The following HPSE2 variants were observed in gnomAD, a reference collection of about 807,000 sequenced individuals.
The protein encoded by HPSE2 is heparanase 2 (inactive), also known as inactive heparanase-2.
HPSE2 carries 38 observed loss-of-function variants against 60.5 expected under a neutral mutation model. The ratio of observed to expected loss-of-function variants is 0.63; its 90% CI spans 0.48 to 0.82. HPSE2 has a LOEUF of 0.82. Among genes scored for constraint, HPSE2 ranks in the 40% least tolerant of loss-of-function variants. The pLI is 0.00. For synonymous variants in HPSE2, 295 were observed against 293.2 expected (o/e 1.01, Z -0.06); for missense variants, 713 against 740.4 (o/e 0.96, Z 0.43).
chr10:98,738,646 C>G (rs745884636), intron 4 of HPSE2, among the ~76,000 whole-genome samples: 1 of 152,212 alleles, frequency 6.6e-6, no homozygotes, highest in Admixed American at 6.5e-5. Context: ...AAACCCCCAT[C>G]AAGAAGTGGG....
intron 3 of HPSE2, among the ~76,000 whole-genome samples, chr10:98,829,087 A>T (rs1369071692): frequency 1.3e-5 from 2 of 152,236 alleles, no homozygotes; most frequent in Non-Finnish European, 2.9e-5. Flanking sequence ...AGCTGCTCAG[A>T]AAAGGGCAAA....
chr10:98,979,211 C>T (rs1278462224), intron 3 of HPSE2, among the ~76,000 whole-genome samples: 1 of 152,064 alleles, frequency 6.6e-6, no homozygotes. Flanking sequence ...CAGGCACGAG[C>T]TAGGGTACTG....
At chr10:98,612,923 C>T (rs951604888) in intron 9 of HPSE2, among the ~76,000 whole-genome samples, 24 of 152,152 alleles carry the variant, frequency 1.6e-4, no homozygotes, top group Non-Finnish European at 2.6e-4. Flanking sequence ...CCAACCTCTC[C>T]CCCTTCCTCA....
rs368489397 is a variant in HPSE2 at position 98,609,966 on chromosome 10, C to T, written c.1320+4938G>A. On this transcript the variant is annotated intron_variant, in intron 9 of 11. Coordinates refer to ENST00000370552, the MANE Select transcript of HPSE2 (RefSeq NM_021828.5). The stretch of plus-strand genomic sequence containing the variant: ...AAGTGATTCTCCTGCCTCAGCCTCT[C>T]GAGCAGCTAGGACTACAGGTGCCCG... Among the ~76,000 whole-genome samples, 1,369 of 151,778 alleles carry T rather than the reference C, an allele frequency of 9.0e-3. 11 individuals carry two copies. The highest frequency in any genetic ancestry group is 0.031 in the African/African-American group (1,290 of 41,370).
At chr10:98,929,483 A>G (rs1954583928) in intron 3 of HPSE2, among the ~76,000 whole-genome samples, 1 of 143,912 alleles carries the variant, frequency 6.9e-6, no homozygotes, top group Non-Finnish European at 1.5e-5. Context: ...TTACATACTA[A>G]AGCTATCTTC....
chr10:98,626,202 T>C (rs542928505), intron 7 of HPSE2, among the ~76,000 whole-genome samples: 2 of 152,118 alleles, frequency 1.3e-5, no homozygotes, highest in South Asian at 4.1e-4. Context: ...GTGGCGGTAG[T>C]CATGGAGGTG....
chr10:99,100,217 C>T (rs1843901075), intron 3 of HPSE2, among the ~76,000 whole-genome samples: 1 of 152,122 alleles, frequency 6.6e-6, no homozygotes, highest in African/African-American at 2.4e-5. Context: ...AAGTTCGAAT[C>T]CATCGCAAAG....
At chr10:98,856,845 T>G (rs954297661) in intron 3 of HPSE2, among the ~76,000 whole-genome samples, 3 of 152,170 alleles carry the variant, frequency 2.0e-5, no homozygotes. Context: ...TCAGAAACAT[T>G]GTGTTAGGAA....
At chr10:99,100,643 G>A (rs908319900) in intron 3 of HPSE2, among the ~76,000 whole-genome samples, 3 of 152,092 alleles carry the variant, frequency 2.0e-5, no homozygotes, top group Admixed American at 6.6e-5. Context: ...TACAGATAAC[G>A]CCACAAAGAT....
rs993923889 is a variant in HPSE2 at position 99,005,814 on chromosome 10, G to A, written c.610+138424C>T. Among the ~76,000 whole-genome samples, 5 of 152,272 alleles carry A rather than the reference G, an allele frequency of 3.3e-5. No homozygotes were observed. The East Asian group carries it at 9.7e-4, about 29-fold the overall frequency. ...TTGCTGACTGGCTTTGTATGGGAGA[G>A]CCCTTCCTTTTCAGTCCATCCAGAG... is the stretch of plus-strand genomic sequence containing the variant. On this transcript the variant is annotated intron_variant, in intron 3 of 11. Coordinates refer to ENST00000370552, the MANE Select transcript of HPSE2 (RefSeq NM_021828.5).
chr10:99,166,999 C>CTTTTTGTT (rs1554905810), intron 2 of HPSE2, among the ~76,000 whole-genome samples: 69 of 140,604 alleles, frequency 4.9e-4, no homozygotes, highest in African/African-American at 1.6e-3. Flanking sequence ...TTTTTCTTTC[C>CTTTTTGTT]TTTTTGTTTG....
intron 9 of HPSE2, among the ~76,000 whole-genome samples, chr10:98,494,514 G>C (rs528050299): frequency 9.2e-5 from 14 of 152,332 alleles, no homozygotes; most frequent in African/African-American, 2.9e-4. Context: ...TAAATTGTGG[G>C]AGCTAAGAAC....
At position 98,516,438 on chromosome 10, in the gene HPSE2, G is replaced by A. The variant is rs116245963; in HGVS notation, c.1321-26242C>T. The stretch of plus-strand genomic sequence containing the variant: ...TTTTCTGAATCTATAAATAAAAAAC[G>A]TTGCCAGAATTAAAAGTGCCTGATG... On this transcript the variant is annotated intron_variant, in intron 9 of 11. Transcript: ENST00000370552. Among the ~76,000 whole-genome samples, 235 of 152,228 alleles carry A rather than the reference G, an allele frequency of 1.5e-3. 1 individual carries two copies. Among genetic ancestry groups the A allele is most frequent in the African/African-American group, 5.1e-3 (210 of 41,544 alleles).
At chr10:98,564,491 T>C (rs1183732608) in intron 9 of HPSE2, among the ~76,000 whole-genome samples, 1 of 152,210 alleles carries the variant, frequency 6.6e-6, no homozygotes, top group Non-Finnish European at 1.5e-5. Context: ...TCCAGTAATT[T>C]GTTAAGTTCC....
intron 3 of HPSE2, among the ~76,000 whole-genome samples, chr10:98,872,143 A>G (rs1374403856): frequency 1.3e-5 from 2 of 152,058 alleles, no homozygotes; most frequent in African/African-American, 4.8e-5. Context: ...GTCAAGAAAG[A>G]GATGTGCAGC....
intron 6 of HPSE2, among the ~76,000 whole-genome samples, chr10:98,655,099 C>T (rs1226901016): frequency 6.6e-6 from 1 of 152,108 alleles, no homozygotes; most frequent in African/African-American, 2.4e-5. Context: ...GGACCTGTGT[C>T]CCTGGGCTAT....
At chr10:99,133,042 A>G (rs1032604158) in intron 3 of HPSE2, among the ~76,000 whole-genome samples, 1 of 152,172 alleles carries the variant, frequency 6.6e-6, no homozygotes, top group Non-Finnish European at 1.5e-5. Context: ...CCTGGGATGC[A>G]TGAGCTTGGT....
the HPSE2 span, among the ~76,000 whole-genome samples, chr10:99,265,204 C>T: frequency 1.3e-5 from 2 of 152,332 alleles, no homozygotes; most frequent in East Asian, 3.9e-4. Context: ...GTAATATTCT[C>T]CCCTGCCCTT....
chr10:98,687,891 C>T (rs1947958487), intron 6 of HPSE2, among the ~76,000 whole-genome samples: 1 of 152,096 alleles, frequency 6.6e-6, no homozygotes, highest in South Asian at 2.1e-4. Flanking sequence ...CTATAGCATC[C>T]AGTCTGACAA....
Sources: allele counts gnomAD v4.1 joint callset (sites outside exome capture counted in the v4.1 genomes callset), GRCh38; gene constraint gnomAD v4.1.1; transcripts MANE v1.5; gene names NCBI Gene and HGNC (gene_info 2026-07-23, HGNC 2026-07-21).